The following FGF12 variants were observed in gnomAD, a reference collection of about 807,000 sequenced individuals.
The protein encoded by FGF12 is fibroblast growth factor 12.
In FGF12, 14 loss-of-function variants were observed where a neutral mutation model predicts 23.6. The observed-to-expected ratio is 0.59, with a 90% CI of 0.39 to 0.93. FGF12 has a LOEUF of 0.93. Ranked by LOEUF, FGF12 falls within the 40% of genes least tolerant of loss-of-function variation. The pLI is 0.00. For synonymous variants in FGF12, 62 were observed against 77.3 expected (o/e 0.80, Z 1.04); for missense variants, 175 against 217.8 (o/e 0.80, Z 1.24).
intron 2 of FGF12, among the ~76,000 whole-genome samples, chr3:192,369,045 G>C (rs1576917438): frequency 6.6e-6 from 1 of 152,154 alleles, no homozygotes; most frequent in Non-Finnish European, 1.5e-5. Context: ...GGTTAGGAGA[G>C]CTGTGCACTA....
rs149611743 is a variant in FGF12, at chr3:192,636,193, A to T, written c.13+90988T>A. On this transcript the variant is annotated intron_variant, in intron 2 of 5. Coordinates refer to ENST00000445105, the MANE Select transcript of FGF12 (RefSeq NM_004113.6). ...TCACCTTATATGTTATATAACTAGG[A>T]AGACACTAGATCACCCTAGATTGTC... 2.2e-3 allele frequency among the ~76,000 whole-genome samples: 336 copies of T among 152,340 alleles called. 4 individuals carry two copies. Among genetic ancestry groups the T allele is most frequent in the African/African-American group, 7.8e-3 (325 of 41,584 alleles).
intron 4 of FGF12, among the ~76,000 whole-genome samples, chr3:192,333,715 A>G (rs1717244055): frequency 6.6e-6 from 1 of 152,144 alleles, no homozygotes; most frequent in Non-Finnish European, 1.5e-5. Flanking sequence ...TTGGAGCTAA[A>G]GGAAAATTTT....
At chr3:192,456,458 T>C (rs1327268971) in intron 2 of FGF12, among the ~76,000 whole-genome samples, 5 of 152,220 alleles carry the variant, frequency 3.3e-5, no homozygotes, top group African/African-American at 1.2e-4. Context: ...CAAAGATTAA[T>C]CTTTTTTATT....
chr3:192,184,723 G>C (rs980617813), intron 4 of FGF12, among the ~76,000 whole-genome samples: 1 of 152,214 alleles, frequency 6.6e-6, no homozygotes, highest in African/African-American at 2.4e-5. Context: ...CAAACTGAAA[G>C]TTGGCAAGTG....
chr3:192,294,630 T>C (rs1245188501), intron 4 of FGF12, among the ~76,000 whole-genome samples: 3 of 152,208 alleles, frequency 2.0e-5, no homozygotes, highest in African/African-American at 7.2e-5. Context: ...TGAGATTGTA[T>C]AGAAAGGCAT....
At chr3:192,162,428 CAAAG>C in intron 5 of FGF12, among the ~76,000 whole-genome samples, 1 of 151,764 alleles carries the variant, frequency 6.6e-6, no homozygotes, top group East Asian at 1.9e-4. Context: ...CAATGAGGGA[CAAAG>C]AGAGAGAAAG....
At chr3:192,160,390 C>G (rs74521982) in intron 5 of FGF12, among the ~76,000 whole-genome samples, 1 of 152,120 alleles carries the variant, frequency 6.6e-6, no homozygotes, top group Admixed American at 6.6e-5. Flanking sequence ...TAGGCATCCT[C>G]GGAGTCTATA....
At chr3:192,274,385 A>T (rs931398564) in intron 4 of FGF12, among the ~76,000 whole-genome samples, 1 of 152,202 alleles carries the variant, frequency 6.6e-6, no homozygotes, top group African/African-American at 2.4e-5. Context: ...CAGAGAAAGT[A>T]CTTCAAAAAT....
intron 2 of FGF12, among the ~76,000 whole-genome samples, chr3:192,499,179 C>A (rs1338383226): frequency 6.6e-6 from 1 of 152,074 alleles, no homozygotes; most frequent in Non-Finnish European, 1.5e-5. Context: ...TACACTATTT[C>A]ATTTAAACTT....
intron 2 of FGF12, among the ~76,000 whole-genome samples, chr3:192,500,082 C>G (rs1164658742): frequency 6.6e-6 from 1 of 152,122 alleles, no homozygotes; most frequent in Non-Finnish European, 1.5e-5. Context: ...CAATGTCTGC[C>G]TTAGAAATGC....
chr3:192,378,026 T>TTTTCTTTCTTTCTTTCTTTCTTCCTTTC (rs1719607996), intron 2 of FGF12, among the ~76,000 whole-genome samples: 2 of 69,442 alleles, frequency 2.9e-5, no homozygotes, highest in Admixed American at 1.4e-4. Context: ...TGACTCTTTC[T>TTTTCTTTCTTTCTTTCTTTCTTCCTTTC]TTTCTTTCTT....
intron 2 of FGF12, among the ~76,000 whole-genome samples, chr3:192,483,657 A>T (rs1352438423): frequency 6.6e-6 from 1 of 152,186 alleles, no homozygotes; most frequent in Non-Finnish European, 1.5e-5. Context: ...GAGAATGATC[A>T]TTCCAGCATG....
intron 4 of FGF12, among the ~76,000 whole-genome samples, chr3:192,255,924 A>G (rs1004791739): frequency 6.6e-6 from 1 of 152,112 alleles, no homozygotes; most frequent in Non-Finnish European, 1.5e-5. Flanking sequence ...GCATTCCACA[A>G]CAAAGAGTTA....
intron 2 of FGF12, among the ~76,000 whole-genome samples, chr3:192,634,188 T>A (rs1192090256): frequency 1.3e-5 from 2 of 152,174 alleles, no homozygotes; most frequent in African/African-American, 4.8e-5. Flanking sequence ...ATACACATGA[T>A]GCCTACACAC....
intron 2 of FGF12, among the ~76,000 whole-genome samples, chr3:192,687,494 C>A (rs141142434): frequency 1.3e-5 from 2 of 152,126 alleles, no homozygotes; most frequent in Non-Finnish European, 2.9e-5. Flanking sequence ...AATTCACCAC[C>A]AAGGAGAGGT....
chr3:192,350,963 G>A (rs1718192743), intron 3 of FGF12, among the ~76,000 whole-genome samples: 1 of 152,132 alleles, frequency 6.6e-6, no homozygotes, highest in Non-Finnish European at 1.5e-5. Context: ...AAAGAGGATA[G>A]TAGCTTGGAC....
intron 2 of FGF12, among the ~76,000 whole-genome samples, chr3:192,661,965 C>T (rs1716687566): frequency 6.6e-6 from 1 of 152,178 alleles, no homozygotes; most frequent in African/African-American, 2.4e-5. Flanking sequence ...CTTCAAGAAG[C>T]TTTATCACAT....
rs1392796411 is a variant in FGF12 at position 192,503,831 on chromosome 3, C to A, written c.14-143293G>T. 2.0e-5 allele frequency among the ~76,000 whole-genome samples: 3 copies of A among 151,972 alleles called. No individual in the cohort carries two copies. In the East Asian group the frequency reaches 5.8e-4, roughly 29 times the overall value. ...CTGTGTTAGCCAGGATGGTCTTGAT[C>A]TCCTGACCTCATGATACCCAAAGGA... On this transcript the variant is annotated intron_variant, in intron 2 of 5. Coordinates refer to ENST00000445105, the MANE Select transcript of FGF12 (RefSeq NM_004113.6).
At chr3:192,607,899 A>G (rs987702968) in intron 2 of FGF12, among the ~76,000 whole-genome samples, 2 of 151,554 alleles carry the variant, frequency 1.3e-5, no homozygotes, top group Non-Finnish European at 2.9e-5. Flanking sequence ...TTCCCTGAGC[A>G]CTTACTTTGA....
Sources: gnomAD v4.1 joint callset for allele counts (sites outside exome capture counted in the v4.1 genomes callset) on GRCh38, gnomAD v4.1.1 for gene constraint, MANE v1.5 for transcripts, NCBI Gene and HGNC (gene_info 2026-07-23, HGNC 2026-07-21) for gene names.